The following PRKAB2 variants were observed in gnomAD, a reference collection of about 807,000 sequenced individuals.
PRKAB2 encodes the protein 5'-AMP-activated protein kinase subunit beta-2.
In PRKAB2, 18 loss-of-function variants were observed where a neutral mutation model predicts 29.8. That is an observed-to-expected ratio of 0.60 (90% confidence interval 0.42 to 0.89). The LOEUF is 0.89. Ranked by LOEUF, PRKAB2 falls within the 40% of genes least tolerant of loss-of-function variation. The probability of loss-of-function intolerance (pLI) is 0.00; values close to 1 mark genes in which losing one functional copy is unlikely to be tolerated. For missense variants in PRKAB2, 270 were observed against 344.3 expected (o/e 0.78, Z 1.71); for synonymous variants, 136 against 125.9 (o/e 1.08, Z -0.54).
At chr1:147,166,464 A>C (rs112988022) in intron 5 of PRKAB2, 34 bp downstream of exon 5, 17 of 1,600,936 alleles carry the variant, frequency 1.1e-5, no homozygotes, top group Non-Finnish European at 1.4e-5. Context: ...TACAAGAAAG[A>C]CACAGCAAGA....
Position 147,159,586 on chromosome 1 carries a change from A to G in PRKAB2, c.798T>C (p.Thr266=), listed in dbSNP as rs782138677. The G allele has an allele frequency of 2.4e-5, 39 of 1,613,426 alleles. 1 individual carries two copies. Among genetic ancestry groups the G allele is most frequent in the Admixed American group, 6.7e-5 (4 of 59,904 alleles). Residue 266 remains threonine, a synonymous_variant, in exon 8 of 8, where the codon ACT becomes ACC. Transcript: ENST00000254101. ...CCCTTCAAATGGGCTTGTATAGCAG[A>G]GTAGTAACATACTTCTTCTTGTAGC... ...THRYKKKYVT[T]LLYKPI
chr1:147,169,399 C>G (rs1553914064), intron 2 of PRKAB2, among the ~76,000 whole-genome samples: 1 of 152,126 alleles, frequency 6.6e-6, no homozygotes, highest in South Asian at 2.1e-4. Flanking sequence ...ACAATGCACT[C>G]TTGACTAACT....
chr1:147,165,725 T>C (rs1377649854), intron 5 of PRKAB2, among the ~76,000 whole-genome samples: 3 of 151,920 alleles, frequency 2.0e-5, no homozygotes, highest in Admixed American at 2.0e-4. Context: ...TCCGCTACCA[T>C]AGACTTTTTT....
Position 147,159,360 on chromosome 1 carries a change from T to C in PRKAB2, c.*205A>G. On this transcript the variant is annotated 3_prime_UTR_variant, in exon 8 of 8. Transcript: ENST00000254101. Reference sequence around the variant, plus strand: ...ATTTACCTTCTTCTCATATGTATATTTTTTTTTCTTAAAATAAATTCCGTG... The same window carrying C: ...ATTTACCTTCTTCTCATATGTATATCTTTTTTTCTTAAAATAAATTCCGTG... 1 of 521,694 alleles carries C rather than the reference T, an allele frequency of 1.9e-6. No homozygotes were observed. Among genetic ancestry groups the C allele is most frequent in the Non-Finnish European group, 3.4e-6 (1 of 293,794 alleles). 32.3% of individuals were successfully genotyped at this position (521,694 alleles called of 1,614,324 possible). A position where few individuals can be genotyped will look rare whatever the true frequency, so the allele number is the denominator to read the frequency against.
chr1:147,170,128 T>G (rs1289008305), intron 2 of PRKAB2, among the ~76,000 whole-genome samples: 1 of 152,198 alleles, frequency 6.6e-6, no homozygotes, highest in Non-Finnish European at 1.5e-5. Context: ...CAATCAGAAC[T>G]ACAGTTTGAT....
Position 147,166,346 on chromosome 1 carries a change from A to C in PRKAB2, c.538+152T>G. The C allele has an allele frequency of 4.0e-6, 3 of 740,860 alleles. No individual in the cohort carries two copies. The East Asian group carries it at 8.2e-5, about 20-fold the overall frequency. 45.9% of individuals were successfully genotyped at this position (740,860 alleles called of 1,614,324 possible). A position where few individuals can be genotyped will look rare whatever the true frequency, so the allele number is the denominator to read the frequency against. On this transcript the variant is annotated intron_variant, in intron 5 of 7. Transcript: ENST00000254101. ...TGTTTGCTGCAAATAAGAGACCTAA[A>C]TGTTTACAGGAGAAAAATCTCTGTC...
chr1:147,164,415 T>C (rs587619189), intron 5 of PRKAB2, among the ~76,000 whole-genome samples: 3 of 152,348 alleles, frequency 2.0e-5, no homozygotes, highest in Admixed American at 6.5e-5. Flanking sequence ...ATAAAATGTA[T>C]TGAAACATCA....
At chr1:147,170,787 G>C (rs1654490386) in intron 2 of PRKAB2, among the ~76,000 whole-genome samples, 1 of 152,100 alleles carries the variant, frequency 6.6e-6, no homozygotes, top group African/African-American at 2.4e-5. Context: ...TCACCATGTT[G>C]GTCAGGCTGG....
intron 2 of PRKAB2, among the ~76,000 whole-genome samples, chr1:147,170,736 TGCCCG>T (rs1654485363): frequency 5.9e-5 from 9 of 152,130 alleles, no homozygotes; most frequent in Non-Finnish European, 1.0e-4. Flanking sequence ...TGCACCAGCA[TGCCCG>T]GCTACTTTTT....
intron 7 of PRKAB2, among the ~76,000 whole-genome samples, chr1:147,160,104 GA>G (rs1653880080): frequency 6.6e-6 from 1 of 152,110 alleles, no homozygotes; most frequent in Non-Finnish European, 1.5e-5. Flanking sequence ...CAATCCTTCT[GA>G]AAAACTATTT....
Position 147,167,748 on chromosome 1 carries a change from C to G in PRKAB2, c.323+19G>C, listed in dbSNP as rs1654322435. The stretch of plus-strand genomic sequence containing the variant: ...GTCTCTATTCCTGGACCCTTAGATT[C>G]AACCAAGACACTTGTCACCTCTTAA... On this transcript the variant is annotated intron_variant, in intron 3 of 7. Coordinates refer to ENST00000254101, the MANE Select transcript of PRKAB2 (RefSeq NM_005399.5). 6.2e-7 allele frequency: 1 copy of G among 1,607,024 alleles called. No individual in the cohort carries two copies. The highest frequency in any genetic ancestry group is 8.5e-7 in the Non-Finnish European group (1 of 1,176,924).
intron 6 of PRKAB2, 91 bp downstream of exon 6, chr1:147,162,349 C>T (rs1277750263): frequency 2.3e-6 from 3 of 1,317,654 alleles, no homozygotes; most frequent in Non-Finnish European, 2.1e-6. Context: ...CAACACACCT[C>T]TGTAGTAATC....
intron 5 of PRKAB2, 134 bp from the exon 6 acceptor site, chr1:147,162,707 C>A: frequency 1.1e-6 from 1 of 936,248 alleles, no homozygotes; most frequent in Non-Finnish European, 1.5e-6. Flanking sequence ...CCTGTGGGAT[C>A]TACAGCTGTA....
intron 5 of PRKAB2, 87 bp downstream of exon 5, chr1:147,166,411 C>T: frequency 7.1e-7 from 1 of 1,411,672 alleles, no homozygotes; most frequent in African/African-American, 1.4e-5. Flanking sequence ...CTCTCTCTCC[C>T]TCTATATGTA....
chr1:147,159,159 T>C lies in PRKAB2; in HGVS notation c.*406A>G, dbSNP rs1399888603. On this transcript the variant is annotated 3_prime_UTR_variant, in exon 8 of 8. Transcript: ENST00000254101. ...AGCGGTCTAGCACAAGCCCATTCCT[T>C]GGAGAGCCAAGGTAGCAGTGATAGA... is the stretch of plus-strand genomic sequence containing the variant. 2.3e-5 allele frequency: 4 copies of C among 176,024 alleles called. No homozygotes were observed. The highest frequency in any genetic ancestry group is 9.5e-5 in the African/African-American group (4 of 42,088). 10.9% of individuals were successfully genotyped at this position (176,024 alleles called of 1,614,324 possible).
rs1330972933 is a variant in PRKAB2, at chr1:147,157,509, T to C, written c.*2056A>G. On this transcript the variant is annotated 3_prime_UTR_variant, in exon 8 of 8. Transcript: ENST00000254101. ...TGAAAGAAATCGAAGAGATCTCTTT[T>C]CCTGCCCCACTCTACTGAAACACCT... The C allele has an allele frequency of 1.3e-5, 2 of 152,186 alleles. No individual in the cohort carries two copies. Among genetic ancestry groups the C allele is most frequent in the Admixed American group, 6.5e-5 (1 of 15,272 alleles). 9.4% of individuals were successfully genotyped at this position (152,186 alleles called of 1,614,324 possible). A position where few individuals can be genotyped will look rare whatever the true frequency, so the allele number is the denominator to read the frequency against.
chr1:147,159,358 A>T lies in PRKAB2; in HGVS notation c.*207T>A, dbSNP rs1054812431. ...CCATTTACCTTCTTCTCATATGTAT[A>T]TTTTTTTTTCTTAAAATAAATTCCG... is the stretch of plus-strand genomic sequence containing the variant. On this transcript the variant is annotated 3_prime_UTR_variant, in exon 8 of 8. Coordinates refer to ENST00000254101, the MANE Select transcript of PRKAB2 (RefSeq NM_005399.5). 4.3e-5 allele frequency: 22 copies of T among 508,762 alleles called. No homozygotes were observed. Among genetic ancestry groups the T allele is most frequent in the African/African-American group, 2.7e-4 (14 of 52,032 alleles). 31.5% of individuals were successfully genotyped at this position (508,762 alleles called of 1,614,324 possible).
In PRKAB2 at chr1:147,167,763, T is replaced by C; in HGVS notation, c.323+4A>G. ...CCCTTAGATTCAACCAAGACACTTG[T>C]CACCTCTTAATCAGTGGAATCTTGG... On this transcript the variant is annotated splice_donor_region_variant and intron_variant, in intron 3 of 7. Transcript: ENST00000254101. 6.2e-7 allele frequency: 1 copy of C among 1,611,878 alleles called. No individual in the cohort carries two copies.
At chr1:147,164,353 G>A (rs587686534) in intron 5 of PRKAB2, among the ~76,000 whole-genome samples, 6 of 152,196 alleles carry the variant, frequency 3.9e-5, no homozygotes, top group African/African-American at 9.6e-5. Flanking sequence ...ACGAAGAAAC[G>A]ACAAATGTTT....
Sources: allele counts gnomAD v4.1 joint callset (sites outside exome capture counted in the v4.1 genomes callset), GRCh38; gene constraint gnomAD v4.1.1; transcripts MANE v1.5; gene names NCBI Gene and HGNC (gene_info 2026-07-23, HGNC 2026-07-21).